TJP1: variants seen among roughly 807,000 people sequenced by gnomAD.
TJP1 encodes tight junction protein 1.
TJP1 carries 43 observed loss-of-function variants against 194.2 expected under a neutral mutation model. That is an observed-to-expected ratio of 0.22 (90% CI 0.17 to 0.29). The LOEUF (loss-of-function observed/expected upper bound fraction) is 0.29. Ranked by LOEUF, TJP1 falls within the 10% of genes least tolerant of loss-of-function variation. The probability of loss-of-function intolerance (pLI) is 1.00; values close to 1 mark genes in which losing one functional copy is unlikely to be tolerated. For synonymous variants in TJP1, 801 were observed against 779.0 expected, an observed-to-expected ratio of 1.03 and a Z score of -0.47; for missense variants, 1,971 against 2,185.7, an observed-to-expected ratio of 0.90 and a Z score of 1.96.
At chr15:29,800,623 T>G (rs2048720374) in intron 2 of TJP1, 23 bp downstream of exon 2, 1 of 1,613,150 alleles carries the variant, frequency 6.2e-7, no homozygotes, top group Admixed American at 1.7e-5. Context: ...ATACACAGAT[T>G]ACTTACTGCA....
Position 29,799,484 on chromosome 15 carries a change from G to A in TJP1, c.84+1162C>T, listed in dbSNP as rs933747440. On this transcript the variant is annotated intron_variant, in intron 2 of 27. Transcript: ENST00000614355. Reference sequence around the variant, plus strand: ...GGCTGGAGTGCAGTGGCATGATCTCGGCTCACTGCAAGCTCTGCCTCCTGG... The same window carrying A: ...GGCTGGAGTGCAGTGGCATGATCTCAGCTCACTGCAAGCTCTGCCTCCTGG... Among the ~76,000 whole-genome samples, 119 of 151,048 alleles carry A rather than the reference G, an allele frequency of 7.9e-4. 1 individual carries two copies. Among genetic ancestry groups the A allele is most frequent in the Non-Finnish European group, 1.4e-3 (98 of 67,848 alleles).
rs75320303 is a variant in TJP1 at position 29,795,058 on chromosome 15, A to G, written c.84+5588T>C. On this transcript the variant is annotated intron_variant, in intron 2 of 27. Coordinates refer to ENST00000614355, the MANE Select transcript of TJP1 (RefSeq NM_001330239.4). ...TATAGAACCATCCAAAATTAAAAAT[A>G]AGGGAATATTATGAACAATGTTATA... 4.0e-3 allele frequency among the ~76,000 whole-genome samples: 608 copies of G among 152,340 alleles called. 16 individuals carry two copies. In the East Asian group the frequency reaches 0.076, roughly 19 times the overall value.
intron 4 of TJP1, among the ~76,000 whole-genome samples, chr15:29,767,015 T>C (rs1213903885): frequency 3.3e-5 from 5 of 152,200 alleles, no homozygotes; most frequent in African/African-American, 9.6e-5. Context: ...TAAGAGATAA[T>C]TTATTCTATA....
chr15:29,861,597 A>C (rs570655328), intron 2 of TJP1, among the ~76,000 whole-genome samples: 1 of 152,198 alleles, frequency 6.6e-6, no homozygotes, highest in Admixed American at 6.5e-5. Flanking sequence ...GCCTTTGGAG[A>C]TATGTCTACT....
At chr15:29,816,245 T>C (rs1818666501) in intron 1 of TJP1, among the ~76,000 whole-genome samples, 1 of 152,068 alleles carries the variant, frequency 6.6e-6, no homozygotes, top group African/African-American at 2.4e-5. Flanking sequence ...GTTGTGCTGG[T>C]CTTGAAGTCC....
At chr15:29,703,508 A>T (rs1265972035) in intron 27 of TJP1, among the ~76,000 whole-genome samples, 1 of 152,204 alleles carries the variant, frequency 6.6e-6, no homozygotes, top group Non-Finnish European at 1.5e-5. Flanking sequence ...AAATAGTTAT[A>T]TAAAGGAACA....
intron 1 of TJP1, among the ~76,000 whole-genome samples, chr15:29,818,390 G>C (rs559278364): frequency 2.0e-5 from 3 of 152,226 alleles, no homozygotes; most frequent in Non-Finnish European, 4.4e-5. Flanking sequence ...GTGACGCAGA[G>C]AACCACCCTA....
At chr15:29,792,849 GTATTT>G (rs1034538478) in intron 2 of TJP1, among the ~76,000 whole-genome samples, 9 of 152,052 alleles carry the variant, frequency 5.9e-5, no homozygotes, top group South Asian at 2.1e-4. Context: ...TTATTCCTAG[GTATTT>G]TATTTTATTT....
At position 29,704,157 on chromosome 15, in the gene TJP1, C is replaced by T. The variant is rs1196878087; in HGVS notation, c.5212+5G>A. On this transcript the variant is annotated splice_donor_5th_base_variant and intron_variant, in intron 27 of 27. Transcript: ENST00000614355. The stretch of plus-strand genomic sequence containing the variant: ...CTCCCAAAGGACAGAGTGAAGACAG[C>T]ATACCCGACGAGGAGTCGGATGATT... The T allele has an allele frequency of 3.2e-6, 5 of 1,553,668 alleles. No individual in the cohort carries two copies. The highest frequency in any genetic ancestry group is 4.4e-6 in the Non-Finnish European group (5 of 1,147,700).
intron 26 of TJP1, among the ~76,000 whole-genome samples, chr15:29,705,104 T>C (rs1435848722): frequency 6.6e-6 from 1 of 152,220 alleles, no homozygotes; most frequent in Non-Finnish European, 1.5e-5. Context: ...TGCTAGGTTC[T>C]GGGGTGATGA....
chr15:29,753,384 T>A (rs1193145546), intron 8 of TJP1, among the ~76,000 whole-genome samples: 1 of 146,590 alleles, frequency 6.8e-6, no homozygotes, highest in African/African-American at 2.6e-5. Context: ...CTCAGGAGGC[T>A]GAGGCAGGAG....
At chr15:29,914,846 C>A (rs1382104400) in intron 2 of TJP1, among the ~76,000 whole-genome samples, 2 of 148,694 alleles carry the variant, frequency 1.3e-5, no homozygotes, top group Non-Finnish European at 3.0e-5. Flanking sequence ...TCTCCCACAC[C>A]CTGCAACACA....
chr15:29,878,955 T>C (rs1406464202), intron 2 of TJP1, among the ~76,000 whole-genome samples: 1 of 151,758 alleles, frequency 6.6e-6, no homozygotes, highest in Non-Finnish European at 1.5e-5. Flanking sequence ...AAACCCCGTC[T>C]CTACTAAAAA....
intron 1 of TJP1, among the ~76,000 whole-genome samples, chr15:29,811,134 C>G (rs1354629908): frequency 6.6e-6 from 1 of 151,960 alleles, no homozygotes; most frequent in Non-Finnish European, 1.5e-5. Context: ...GAACAAGAAA[C>G]AAGGAGGAAA....
intron 27 of TJP1, among the ~76,000 whole-genome samples, chr15:29,702,441 G>A (rs1275539710): frequency 2.0e-5 from 3 of 152,188 alleles, no homozygotes; most frequent in Non-Finnish European, 4.4e-5. Flanking sequence ...TCTCTGTGGT[G>A]TCCAAGCAAG....
rs563993454 is a variant in TJP1, at chr15:29,894,534, G to A, written c.306+61698C>T. On this transcript the variant is annotated intron_variant, in intron 2 of 28. Transcript: ENST00000356107. ...ACATAGGTGTCTTGGCCTGTTGTGC[G>A]GCTATAACAAAATCCCATAGGCTGG... Among the ~76,000 whole-genome samples, 6 of 152,312 alleles carry A rather than the reference G, an allele frequency of 3.9e-5. No homozygotes were observed. The South Asian group carries it at 6.2e-4, about 16-fold the overall frequency.
chr15:29,783,965 TAAAC>T (rs2047536983), intron 2 of TJP1, among the ~76,000 whole-genome samples: 2 of 151,694 alleles, frequency 1.3e-5, no homozygotes, highest in South Asian at 2.1e-4. Flanking sequence ...AGTTTTTAAA[TAAAC>T]AAATAACATT....
chr15:29,708,292 GCTTA>G (rs2042027603), intron 25 of TJP1, among the ~76,000 whole-genome samples: 1 of 151,630 alleles, frequency 6.6e-6, no homozygotes, highest in Non-Finnish European at 1.5e-5. Flanking sequence ...TGGGCAAACT[GCTTA>G]CTGTCACTCA....
At chr15:29,853,777 A>G (rs1248666380) in intron 2 of TJP1, among the ~76,000 whole-genome samples, 1 of 152,244 alleles carries the variant, frequency 6.6e-6, no homozygotes, top group Non-Finnish European at 1.5e-5. Context: ...CAAGGTTACT[A>G]AATGTGCTTG....
Sources: allele counts gnomAD v4.1 joint callset (sites outside exome capture counted in the v4.1 genomes callset), GRCh38; gene constraint gnomAD v4.1.1; transcripts MANE v1.5; gene names NCBI Gene and HGNC (gene_info 2026-07-23, HGNC 2026-07-21).